Variants in KCNS3 observed in about 807,000 individuals in gnomAD.
KCNS3 encodes the protein delayed-rectifier potassium channel regulatory subunit KCNS3.
A neutral mutation model predicts 31.0 loss-of-function variants in KCNS3; 13 were observed. The ratio of observed to expected loss-of-function variants is 0.42; its 90% confidence interval spans 0.27 to 0.67. The LOEUF is 0.67. KCNS3 is among the 30% of genes least tolerant of loss of function. The pLI is 0.25. For missense variants in KCNS3, 545 were observed against 622.4 expected (o/e 0.88, Z 1.32); for synonymous variants, 238 against 241.5 (o/e 0.99, Z 0.13).
At chr2:17,916,459 C>T (rs1662588326) in intron 1 of KCNS3, among the ~76,000 whole-genome samples, 1 of 152,140 alleles carries the variant, frequency 6.6e-6, no homozygotes, top group East Asian at 1.9e-4. Context: ...ATTTCTCTAC[C>T]TCCTCTGCTA....
intron 1 of KCNS3, among the ~76,000 whole-genome samples, chr2:17,912,791 C>T (rs1371397969): frequency 2.0e-5 from 3 of 152,174 alleles, no homozygotes; most frequent in South Asian, 2.1e-4. Context: ...TTTATACTAA[C>T]CTTTCAAAAA....
At chr2:17,889,985 G>GTGTC (rs746546825) in intron 1 of KCNS3, among the ~76,000 whole-genome samples, 11 of 152,224 alleles carry the variant, frequency 7.2e-5, no homozygotes, top group Non-Finnish European at 1.5e-4. Context: ...TTGTGGAATA[G>GTGTC]TGTCAAAAGG....
chr2:17,921,558 G>A (rs1662702297), intron 2 of KCNS3, among the ~76,000 whole-genome samples: 1 of 152,056 alleles, frequency 6.6e-6, no homozygotes, highest in Non-Finnish European at 1.5e-5. Flanking sequence ...TAATTTATAA[G>A]GGAAAGAGGT....
intron 1 of KCNS3, among the ~76,000 whole-genome samples, chr2:17,915,859 G>T (rs3810833): frequency 0.032 from 4,941 of 152,284 alleles, 94 homozygotes; most frequent in African/African-American, 0.045. Flanking sequence ...AGGAATCATG[G>T]TGATGGAAAA....
chr2:17,910,070 A>G (rs1662435176), intron 1 of KCNS3, among the ~76,000 whole-genome samples: 1 of 152,240 alleles, frequency 6.6e-6, no homozygotes, highest in African/African-American at 2.4e-5. Context: ...TTAAACACAA[A>G]AGATGAAACC....
At chr2:17,922,109 G>T (rs1008525262) in intron 2 of KCNS3, among the ~76,000 whole-genome samples, 1 of 151,024 alleles carries the variant, frequency 6.6e-6, no homozygotes, top group South Asian at 2.1e-4. Context: ...TTGCACCCCT[G>T]TGGTGTTATT....
chr2:17,930,901 G>T (rs974850338), intron 2 of KCNS3, 49 bp from the exon 3 acceptor site: 7 of 1,304,536 alleles, frequency 5.4e-6, no homozygotes, highest in Non-Finnish European at 7.4e-6. Context: ...AATAAGCTTG[G>T]CTGGGCACGG....
chr2:17,932,407 T>C lies in KCNS3; in HGVS notation c.1399T>C (p.Ser467Pro). 1 of 1,614,078 alleles carries C rather than the reference T, an allele frequency of 6.2e-7. No homozygotes were observed. The highest frequency in any genetic ancestry group is 8.5e-7 in the Non-Finnish European group (1 of 1,179,966). Residue 467 changes from serine to proline, a missense_variant, in exon 3 of 3, where the codon TCC becomes CCC. Physicochemically the swap from Ser to Pro is moderately conservative, Grantham distance 74 (BLOSUM62 -1). Coordinates refer to ENST00000304101, the MANE Select transcript of KCNS3 (RefSeq NM_002252.5). ...SVGIVVSDPD[S>P]TDASSIEDNE... ...AGGCATTGTGGTGAGCGATCCTGAC[T>C]CCACAGATGCTTCAAGCATTGAAGA... is the stretch of plus-strand genomic sequence containing the variant.
intron 1 of KCNS3, among the ~76,000 whole-genome samples, chr2:17,898,547 C>T (rs1662085512): frequency 6.6e-6 from 1 of 152,078 alleles, no homozygotes; most frequent in Non-Finnish European, 1.5e-5. Context: ...GAAAAAATTA[C>T]ATTTGTTTGA....
rs191006403 is a variant in KCNS3 at position 17,903,602 on chromosome 2, C to T, written c.-251-14078C>T. Among the ~76,000 whole-genome samples, 915 of 151,628 alleles carry T rather than the reference C, an allele frequency of 6.0e-3. 7 individuals are homozygous for T. The highest frequency in any genetic ancestry group is 0.02 in the African/African-American group (840 of 41,288). On this transcript the variant is annotated intron_variant, in intron 1 of 2. Transcript: ENST00000304101. ...AGGTATATCTCCTAATGCTTTCCTT[C>T]CCCCTTCCCCCCACCCCACAACAGG... is the stretch of plus-strand genomic sequence containing the variant.
intron 1 of KCNS3, among the ~76,000 whole-genome samples, chr2:17,898,244 GTTT>G (rs34039979): frequency 2.4e-4 from 30 of 124,376 alleles, no homozygotes; most frequent in African/African-American, 2.6e-4. Context: ...ATGCCTCTAG[GTTT>G]TTTTTTTTTT....
intron 1 of KCNS3, among the ~76,000 whole-genome samples, chr2:17,902,842 GTGTGCTTTTA>G (rs1558451762): frequency 6.6e-6 from 1 of 152,278 alleles, no homozygotes; most frequent in Admixed American, 6.5e-5. Context: ...ATCTGGGTTA[GTGTGCTTTTA>G]TTGATTTTAT....
At chr2:17,905,175 C>T (rs993468048) in intron 1 of KCNS3, among the ~76,000 whole-genome samples, 6 of 152,188 alleles carry the variant, frequency 3.9e-5, no homozygotes, top group Non-Finnish European at 7.3e-5. Flanking sequence ...AGGTCCTTCA[C>T]ATCCCTTGTA....
chr2:17,922,891 A>G (rs1251077115), intron 2 of KCNS3, among the ~76,000 whole-genome samples: 2 of 152,324 alleles, frequency 1.3e-5, no homozygotes, highest in Admixed American at 6.5e-5. Flanking sequence ...GCTATTATGA[A>G]TAATGCTGCT....
chr2:17,909,352 C>T (rs1369353047), intron 1 of KCNS3, among the ~76,000 whole-genome samples: 1 of 152,186 alleles, frequency 6.6e-6, no homozygotes, highest in East Asian at 1.9e-4. Flanking sequence ...CAGGTGCCAT[C>T]TGTCACCCCT....
At chr2:17,899,032 C>T (rs1264469287) in intron 1 of KCNS3, among the ~76,000 whole-genome samples, 1 of 152,116 alleles carries the variant, frequency 6.6e-6, no homozygotes, top group Non-Finnish European at 1.5e-5. Flanking sequence ...TCGAGACCAT[C>T]CCGGCCAACA....
intron 2 of KCNS3, among the ~76,000 whole-genome samples, chr2:17,928,483 T>C (rs1176655169): frequency 6.6e-6 from 1 of 152,192 alleles, no homozygotes; most frequent in East Asian, 1.9e-4. Context: ...ACCAGGCTGG[T>C]CTTGAACTCC....
chr2:17,915,327 G>C (rs950910821), intron 1 of KCNS3, among the ~76,000 whole-genome samples: 3 of 152,212 alleles, frequency 2.0e-5, no homozygotes, highest in African/African-American at 7.2e-5. Flanking sequence ...GATCGGGCTG[G>C]TAGGAACATA....
At chr2:17,899,136 G>A (rs1451787966) in intron 1 of KCNS3, among the ~76,000 whole-genome samples, 1 of 152,076 alleles carries the variant, frequency 6.6e-6, no homozygotes, top group Non-Finnish European at 1.5e-5. Flanking sequence ...TGAGGCAGGA[G>A]CATCGCTTGA....
Sources: gnomAD v4.1 joint callset for allele counts (sites outside exome capture counted in the v4.1 genomes callset) on GRCh38, gnomAD v4.1.1 for gene constraint, MANE v1.5 for transcripts, NCBI Gene and HGNC (gene_info 2026-07-23, HGNC 2026-07-21) for gene names.